The following GPR158 variants were observed in gnomAD, a reference collection of about 807,000 sequenced individuals.
GPR158 encodes metabotropic glycine receptor.
Under a neutral mutation model 78.2 loss-of-function variants are expected in GPR158, and 30 were observed. The ratio of observed to expected loss-of-function variants is 0.38; its 90% confidence interval spans 0.29 to 0.52. GPR158 has a LOEUF of 0.52. Among genes scored for constraint, GPR158 ranks in the 20% least tolerant of loss-of-function variants. The pLI is 0.83. For missense variants in GPR158, 1,463 were observed against 1,523.5 expected (o/e 0.96, Z 0.66); for synonymous variants, 581 against 591.1 (o/e 0.98, Z 0.25).
At chr10:25,384,384 A>G (rs1270507257) in intron 2 of GPR158, among the ~76,000 whole-genome samples, 1 of 152,200 alleles carries the variant, frequency 6.6e-6, no homozygotes. Flanking sequence ...GTGAATTTCA[A>G]CACAATTCAG....
chr10:25,599,570 A>G lies in GPR158; in HGVS notation c.*296A>G. On this transcript the variant is annotated 3_prime_UTR_variant, in exon 11 of 11. Coordinates refer to ENST00000376351, the MANE Select transcript of GPR158 (RefSeq NM_020752.3). The stretch of plus-strand genomic sequence containing the variant: ...TGTCTGCCCTGATCAATATGTATCC[A>G]TGGGACTTTGAAGATCCTAAGCCAG... The G allele has an allele frequency of 1.4e-5, 4 of 287,328 alleles. No individual in the cohort carries two copies. Among genetic ancestry groups the G allele is most frequent in the Non-Finnish European group, 2.6e-5 (4 of 154,070 alleles). The allele number at this position is 287,328 out of a possible 1,614,324, so 17.8% of individuals were successfully genotyped here. A position where few individuals can be genotyped will look rare whatever the true frequency, so the allele number is the denominator to read the frequency against.
At chr10:25,236,911 G>A (rs2130701598) in intron 2 of GPR158, among the ~76,000 whole-genome samples, 1 of 152,120 alleles carries the variant, frequency 6.6e-6, no homozygotes, top group Non-Finnish European at 1.5e-5. Flanking sequence ...TCATACAAAT[G>A]TATATAAATG....
intron 5 of GPR158, among the ~76,000 whole-genome samples, chr10:25,493,076 A>T (rs80162633): frequency 0.043 from 6,545 of 152,222 alleles, 200 homozygotes; most frequent in South Asian, 0.11. Context: ...AGAGAAAACC[A>T]CATTTTCTAG....
intron 2 of GPR158, among the ~76,000 whole-genome samples, chr10:25,366,261 A>C (rs1855722484): frequency 6.6e-6 from 1 of 151,650 alleles, no homozygotes; most frequent in Non-Finnish European, 1.5e-5. Flanking sequence ...GGATTCAAAT[A>C]GTTGGATAAT....
In GPR158 at chr10:25,601,757, G is replaced by T. The variant is rs41279904; in HGVS notation, c.*2483G>T. On this transcript the variant is annotated 3_prime_UTR_variant, in exon 11 of 11. Coordinates refer to ENST00000376351, the MANE Select transcript of GPR158 (RefSeq NM_020752.3). ...AAAGTGAATAAACACTTTTAAGGTC[G>T]CAAACATTTGCTAGGTTGTCCTTCT... 2.0e-5 allele frequency: 3 copies of T among 152,554 alleles called. No homozygotes were observed. Among genetic ancestry groups the T allele is most frequent in the African/African-American group, 7.2e-5 (3 of 41,432 alleles). The allele number at this position is 152,554 out of a possible 1,614,324, so 9.5% of individuals were successfully genotyped here.
chr10:25,192,515 C>G (rs1273610611), intron 1 of GPR158, among the ~76,000 whole-genome samples: 5 of 152,160 alleles, frequency 3.3e-5, no homozygotes, highest in African/African-American at 1.2e-4. Flanking sequence ...TTTCCACTTT[C>G]ACTTACTGTG....
intron 2 of GPR158, among the ~76,000 whole-genome samples, chr10:25,224,250 CT>C (rs1853341742): frequency 6.6e-6 from 1 of 151,702 alleles, no homozygotes; most frequent in South Asian, 2.1e-4. Flanking sequence ...TAAATATTTT[CT>C]TTTGCTTGTT....
At chr10:25,206,421 AAAT>A (rs1168427979) in intron 1 of GPR158, among the ~76,000 whole-genome samples, 62 of 152,188 alleles carry the variant, frequency 4.1e-4, no homozygotes, top group African/African-American at 1.3e-3. Context: ...TCAAGCAGTG[AAAT>A]AATTATTTTT....
At chr10:25,229,336 T>A (rs558248429) in intron 2 of GPR158, among the ~76,000 whole-genome samples, 2 of 152,112 alleles carry the variant, frequency 1.3e-5, no homozygotes, top group Non-Finnish European at 2.9e-5. Context: ...AAATTGAAGG[T>A]TACAGTAGGA....
In GPR158 at chr10:25,599,212, C is replaced by G; in HGVS notation, c.3586C>G (p.Leu1196Val). 5 of 1,612,424 alleles carry G rather than the reference C, an allele frequency of 3.1e-6. No individual in the cohort carries two copies. Among genetic ancestry groups the G allele is most frequent in the Non-Finnish European group, 4.2e-6 (5 of 1,179,870 alleles). ...RSVALPASSALSANKIAGPRK... is the reference protein window; with the variant it reads ...RSVALPASSAVSANKIAGPRK... Reference sequence around the variant, plus strand: ...TGTAGCTTTACCTGCCTCTTCTGCTCTAAGTGCAAATAAGATAGCAGGGCC... The same window carrying G: ...TGTAGCTTTACCTGCCTCTTCTGCTGTAAGTGCAAATAAGATAGCAGGGCC... Residue 1196 changes from leucine to valine, a missense_variant, in exon 11 of 11, where the codon CTA (leucine) becomes GTA (valine). Physicochemically the swap from Leu to Val is conservative, Grantham distance 32 (BLOSUM62 1). Coordinates refer to ENST00000376351, the MANE Select transcript of GPR158 (RefSeq NM_020752.3).
intron 1 of GPR158, among the ~76,000 whole-genome samples, chr10:25,208,101 T>G (rs1486989369): frequency 6.6e-6 from 1 of 152,228 alleles, no homozygotes; most frequent in East Asian, 1.9e-4. Context: ...GTATATTCAA[T>G]TGTGCAGAGC....
intron 4 of GPR158, among the ~76,000 whole-genome samples, chr10:25,420,497 G>C (rs1834735334): frequency 6.6e-6 from 1 of 151,918 alleles, no homozygotes. Context: ...TTTTTCTTTT[G>C]TCACTTGTGC....
rs1564399764 is a variant in GPR158 at position 25,241,357 on chromosome 10, T to TTCTCTC, written c.1008+20201_1008+20202insCTCTCT. Among the ~76,000 whole-genome samples, 94 of 126,684 alleles carry TTCTCTC rather than the reference T, an allele frequency of 7.4e-4. 6 individuals carry two copies. The highest frequency in any genetic ancestry group is 3.2e-3 in the African/African-American group (85 of 26,846). 83.1% of individuals were successfully genotyped at this position (126,684 alleles called of 152,430 possible). A position where few individuals can be genotyped will look rare whatever the true frequency, so the allele number is the denominator to read the frequency against. ...TTCTCTTTTCTCTTTTCTCTTTTCT[T>TTCTCTC]TTCTCTTTTCTTTTCTCTCTTCTCT... is the stretch of plus-strand genomic sequence containing the variant. On this transcript the variant is annotated intron_variant, in intron 2 of 10. Transcript: ENST00000376351.
intron 4 of GPR158, among the ~76,000 whole-genome samples, chr10:25,419,447 G>C (rs1432460621): frequency 6.6e-6 from 1 of 152,114 alleles, no homozygotes; most frequent in Non-Finnish European, 1.5e-5. Flanking sequence ...GAATGATGCT[G>C]CTGTGAACAT....
chr10:25,273,045 A>G (rs557476680), intron 2 of GPR158, among the ~76,000 whole-genome samples: 1 of 152,288 alleles, frequency 6.6e-6, no homozygotes, highest in East Asian at 1.9e-4. Context: ...GGCACCTGGG[A>G]CTATAATCCA....
chr10:25,487,711 G>A (rs866465730), intron 5 of GPR158, among the ~76,000 whole-genome samples: 3 of 133,450 alleles, frequency 2.2e-5, no homozygotes, highest in East Asian at 3.9e-4. Flanking sequence ...TTCATATAGG[G>A]TAAGTTAAGG....
At chr10:25,492,681 C>CA (rs1169172488) in intron 5 of GPR158, among the ~76,000 whole-genome samples, 1 of 151,388 alleles carries the variant, frequency 6.6e-6, no homozygotes, top group Non-Finnish European at 1.5e-5. Flanking sequence ...GGTCCATGCA[C>CA]AAAAAAAGAC....
chr10:25,340,115 T>A (rs751485149), intron 2 of GPR158, among the ~76,000 whole-genome samples: 53 of 152,052 alleles, frequency 3.5e-4, no homozygotes, highest in Non-Finnish European at 2.6e-4. Flanking sequence ...GAAAAAAAAA[T>A]CTGCAGTGAG....
chr10:25,543,058 C>A (rs1836609311), intron 5 of GPR158, among the ~76,000 whole-genome samples: 2 of 152,036 alleles, frequency 1.3e-5, no homozygotes, highest in South Asian at 4.1e-4. Flanking sequence ...TCAAAGATTT[C>A]TTTGTACCTG....
Sources: gnomAD v4.1 joint callset for allele counts (sites outside exome capture counted in the v4.1 genomes callset) on GRCh38, gnomAD v4.1.1 for gene constraint, MANE v1.5 for transcripts, NCBI Gene and HGNC (gene_info 2026-07-23, HGNC 2026-07-21) for gene names.